Variants in CDC5L observed in about 807,000 individuals in gnomAD.
CDC5L encodes cell division cycle 5 like.
A neutral mutation model predicts 104.1 loss-of-function variants in CDC5L; 18 were observed. That is an observed-to-expected ratio of 0.17 (90% CI 0.12 to 0.26). The LOEUF (loss-of-function observed/expected upper bound fraction) is 0.26. Among genes scored for constraint, CDC5L ranks in the 10% least tolerant of loss-of-function variants. The pLI is 1.00. For missense variants in CDC5L, 673 were observed against 956.9 expected (o/e 0.70, Z 3.91); for synonymous variants, 331 against 322.7 (o/e 1.03, Z -0.28).
In CDC5L at chr6:44,446,663, A is replaced by T; in HGVS notation, c.2361A>T (p.Arg787Ser). 1 of 1,598,440 alleles carries T rather than the reference A, an allele frequency of 6.3e-7. No individual in the cohort carries two copies. The highest frequency in any genetic ancestry group is 8.5e-7 in the Non-Finnish European group (1 of 1,172,514). ...QQEREKELQH[R>S]YADLLLEKET... ...AAAGAGAAAAGGAACTTCAACATAG[A>T]TATGCTGATTTGCTGCTGGAGAAAG... Residue 787 changes from arginine to serine, a missense_variant, in exon 16 of 16, where the codon AGA becomes AGT. Around this residue, in one of 4 missense-constraint regions of CDC5L, gnomAD observed 578 missense variants for 737.0 expected, o/e 0.78. Coordinates refer to ENST00000371477, the MANE Select transcript of CDC5L (RefSeq NM_001253.4).
intron 14 of CDC5L, among the ~76,000 whole-genome samples, chr6:44,437,850 T>C (rs936466234): frequency 2.6e-5 from 4 of 152,250 alleles, no homozygotes; most frequent in African/African-American, 9.6e-5. Context: ...AAGCATTATA[T>C]GTATTAATTT....
At chr6:44,424,772 G>C (rs1792344826) in intron 11 of CDC5L, among the ~76,000 whole-genome samples, 189 bp downstream of exon 11, 1 of 152,060 alleles carries the variant, frequency 6.6e-6, no homozygotes, top group Admixed American at 6.6e-5. Context: ...ACAATATTTT[G>C]ATGAGCATTC....
In CDC5L at chr6:44,388,090, G is replaced by C. The variant is rs980937127; in HGVS notation, c.45+222G>C. 2.0e-5 allele frequency among the ~76,000 whole-genome samples: 3 copies of C among 150,788 alleles called. No homozygotes were observed. In the East Asian group the frequency reaches 6.0e-4, roughly 30 times the overall value. On this transcript the variant is annotated intron_variant, in intron 1 of 15. Coordinates refer to ENST00000371477, the MANE Select transcript of CDC5L (RefSeq NM_001253.4). ...TCACCACCTGGCTACTCGGCTCCAA[G>C]CTCACTTGTTAGGCCCTGAGTGAAC...
chr6:44,419,135 T>C (rs1368670288), intron 8 of CDC5L, among the ~76,000 whole-genome samples: 2 of 152,188 alleles, frequency 1.3e-5, no homozygotes, highest in Non-Finnish European at 2.9e-5. Context: ...GTTTTAGGTC[T>C]AACATTTAAG....
intron 14 of CDC5L, among the ~76,000 whole-genome samples, chr6:44,440,708 CTT>C (rs372146196): frequency 4.4e-4 from 57 of 130,858 alleles, no homozygotes; most frequent in Non-Finnish European, 3.9e-4. Flanking sequence ...ATTTAAAATC[CTT>C]TTTTTTTTTT....
intron 14 of CDC5L, among the ~76,000 whole-genome samples, chr6:44,442,468 C>CT (rs1793246772): frequency 6.6e-6 from 1 of 151,226 alleles, no homozygotes; most frequent in Non-Finnish European, 1.5e-5. Context: ...TCTTGTCTGT[C>CT]TGTTACAGAC....
At chr6:44,392,536 A>G (rs1790669984) in intron 2 of CDC5L, 131 bp from the exon 3 acceptor site, 2 of 732,820 alleles carry the variant, frequency 2.7e-6, no homozygotes, top group Admixed American at 2.7e-5. Context: ...ACCACACAGC[A>G]AATATTCTGT....
intron 14 of CDC5L, among the ~76,000 whole-genome samples, chr6:44,437,134 C>T (rs543141703): frequency 1.3e-5 from 2 of 152,234 alleles, no homozygotes; most frequent in South Asian, 4.1e-4. Context: ...TTTATACTCT[C>T]TTGTACCTCA....
chr6:44,406,533 T>C (rs1159671323), intron 7 of CDC5L, 66 bp downstream of exon 7: 2 of 1,389,348 alleles, frequency 1.4e-6, no homozygotes, highest in Non-Finnish European at 2.0e-6. Context: ...ATTCAGCAAA[T>C]GTTTGAAGGC....
intron 14 of CDC5L, among the ~76,000 whole-genome samples, chr6:44,442,141 T>G (rs980418066): frequency 6.6e-6 from 1 of 152,056 alleles, no homozygotes; most frequent in African/African-American, 2.4e-5. Context: ...TTCACTGTGT[T>G]GGCCAGAATG....
At chr6:44,434,381 T>C (rs868668197) in intron 14 of CDC5L, among the ~76,000 whole-genome samples, 1 of 152,160 alleles carries the variant, frequency 6.6e-6, no homozygotes, top group Middle Eastern at 3.4e-3. Flanking sequence ...AATAATTACT[T>C]TCTTGGACCT....
rs147393106 is a variant in CDC5L at position 44,440,827 on chromosome 6, C to T, written c.2092-4828C>T. Among the ~76,000 whole-genome samples the T allele has an allele frequency of 5.5e-4, 83 of 151,706 alleles. No individual in the cohort carries two copies. The East Asian group carries it at 0.014, about 26-fold the overall frequency. Reference sequence around the variant, plus strand: ...GGTTCAAGCGATTCTCCCACCTCAGCCTCTGGAGTAGCTGGGACTACAGGC... The same window carrying T: ...GGTTCAAGCGATTCTCCCACCTCAGTCTCTGGAGTAGCTGGGACTACAGGC... On this transcript the variant is annotated intron_variant, in intron 14 of 15. Coordinates refer to ENST00000371477, the MANE Select transcript of CDC5L (RefSeq NM_001253.4).
chr6:44,446,875 C>T lies in CDC5L; in HGVS notation c.*164C>T. ...TCTTACACATTCTGTGTATAAAGAC[C>T]TTAACTCCACAGGACGGACATTTTA... On this transcript the variant is annotated 3_prime_UTR_variant, in exon 16 of 16. Transcript: ENST00000371477. The T allele has an allele frequency of 2.3e-6, 1 of 426,480 alleles. No individual in the cohort carries two copies. The highest frequency in any genetic ancestry group is 4.1e-6 in the Non-Finnish European group (1 of 241,520). The allele number at this position is 426,480 out of a possible 1,614,324, so 26.4% of individuals were successfully genotyped here. A position where few individuals can be genotyped will look rare whatever the true frequency, so the allele number is the denominator to read the frequency against.
intron 1 of CDC5L, among the ~76,000 whole-genome samples, chr6:44,389,504 T>C (rs1416808578): frequency 6.6e-6 from 1 of 152,196 alleles, no homozygotes; most frequent in Non-Finnish European, 1.5e-5. Context: ...TTAACTTTCT[T>C]GTCTTTGGCT....
chr6:44,423,262 T>C (rs1467589709), intron 10 of CDC5L, among the ~76,000 whole-genome samples: 2 of 152,200 alleles, frequency 1.3e-5, no homozygotes, highest in East Asian at 1.9e-4. Flanking sequence ...GATTTATATA[T>C]GTTTTTTAAA....
chr6:44,408,246 C>T (rs1018451961), intron 7 of CDC5L, among the ~76,000 whole-genome samples, 198 bp from the exon 8 acceptor site: 2 of 151,246 alleles, frequency 1.3e-5, no homozygotes, highest in South Asian at 4.2e-4. Context: ...AAAGCTGTGT[C>T]AGCTCTCAGT....
chr6:44,397,616 T>C (rs1468903575), intron 5 of CDC5L, among the ~76,000 whole-genome samples: 1 of 152,220 alleles, frequency 6.6e-6, no homozygotes. Flanking sequence ...GTCAGATGAC[T>C]GTAGGACACA....
intron 5 of CDC5L, among the ~76,000 whole-genome samples, chr6:44,399,513 G>T (rs1791021642): frequency 6.6e-6 from 1 of 151,992 alleles, no homozygotes; most frequent in Non-Finnish European, 1.5e-5. Flanking sequence ...TTTCTCTGAG[G>T]CTCTATTCAT....
intron 5 of CDC5L, among the ~76,000 whole-genome samples, chr6:44,401,325 G>C (rs1791114210): frequency 6.6e-6 from 1 of 151,852 alleles, no homozygotes; most frequent in Non-Finnish European, 1.5e-5. Flanking sequence ...TCCGCCCGCA[G>C]CGTGGAGCCC....
Sources: gnomAD v4.1 joint callset for allele counts (sites outside exome capture counted in the v4.1 genomes callset) on GRCh38, gnomAD v4.1.1 for gene constraint, gnomAD v4.1.1 regional missense constraint, MANE v1.5 for transcripts, NCBI Gene and HGNC (gene_info 2026-07-23, HGNC 2026-07-21) for gene names.